Variants in OVCH2 observed in about 807,000 individuals in gnomAD.
OVCH2 encodes the protein ovochymase 2, also known as ovochymase-2.
Under a neutral mutation model 73.7 loss-of-function variants are expected in OVCH2, and 88 were observed. That is an observed-to-expected ratio of 1.19 (90% CI 1.01 to 1.43). OVCH2 has a LOEUF of 1.43. Among genes scored for constraint, OVCH2 ranks in the 40% most tolerant of loss-of-function variants. OVCH2 has a pLI of 0.00. For missense variants in OVCH2, 706 were observed against 674.5 expected, an observed-to-expected ratio of 1.05 and a Z score of -0.52; for synonymous variants, 265 against 234.5, an observed-to-expected ratio of 1.13 and a Z score of -1.19.
rs1321739575 is a variant in OVCH2, at chr11:7,696,549, C to T, written c.1057G>A (p.Val353Met). The change falls in exon 10 of 16, where the codon GTG becomes ATG. Residue 353 changes from valine (V) to methionine (M), a missense_variant. Coordinates refer to ENST00000533663, the MANE Select transcript of OVCH2 (RefSeq NM_198185.7). Reference protein sequence around the residue: ...WTLLVPEEMHVLLSFSHLDVE... With the variant: ...WTLLVPEEMHMLLSFSHLDVE... ...TCTAGGTGGGAAAAACTGAGCAACA[C>T]ATGCATTTCCTCTGGTACCAGCAGG... The T allele has an allele frequency of 3.7e-6, 6 of 1,613,904 alleles. No individual in the cohort carries two copies. In the African/African-American group the frequency reaches 6.7e-5, roughly 18 times the overall value.
downstream of OVCH2, among the ~76,000 whole-genome samples, chr11:7,687,716 T>C (rs1415352143): frequency 1.3e-5 from 2 of 152,108 alleles, no homozygotes; most frequent in Non-Finnish European, 2.9e-5. Context: ...CCCCTGTCTT[T>C]GCTTGGGCTG....
At chr11:7,692,687 G>C (rs1856244556) in intron 12 of OVCH2, among the ~76,000 whole-genome samples, 1 of 152,226 alleles carries the variant, frequency 6.6e-6, no homozygotes. Context: ...GTATGAGTTA[G>C]AGAGAGCTGA....
chr11:7,685,027 G>A (rs1199089155), downstream of OVCH2, among the ~76,000 whole-genome samples: 1 of 152,140 alleles, frequency 6.6e-6, no homozygotes, highest in East Asian at 1.9e-4. Context: ...TAAACACTGG[G>A]ACTCAAGAAA....
downstream of OVCH2, among the ~76,000 whole-genome samples, chr11:7,686,673 A>T (rs1856144863): frequency 6.6e-6 from 1 of 152,226 alleles, no homozygotes; most frequent in South Asian, 2.1e-4. Context: ...AAAATCCTGA[A>T]ACTAAGAAAG....
intron 3 of OVCH2, among the ~76,000 whole-genome samples, chr11:7,703,263 G>C (rs574083656): frequency 2.0e-5 from 3 of 150,878 alleles, no homozygotes; most frequent in African/African-American, 5.0e-5. Context: ...TTGAGTCCCA[G>C]AGAGGCAGGA....
chr11:7,706,336 C>T lies in OVCH2; in HGVS notation c.59G>A (p.Gly20Asp), dbSNP rs1273597974. The change falls in exon 1 of 16, where the codon GGT becomes GAT. Residue 20 changes from glycine to aspartate, a missense_variant. Transcript: ENST00000533663. ...LLLGIVFFER[G>D]KSATLSLPKA... ...GGGGAGCGAAAGAGTTGCAGATTTA[C>T]CTCGTTCAAAAAAGACTATTCCTAG... 1 of 1,591,808 alleles carries T rather than the reference C, an allele frequency of 6.3e-7. No homozygotes were observed. The highest frequency in any genetic ancestry group is 8.6e-7 in the Non-Finnish European group (1 of 1,167,824).
At chr11:7,695,882 C>T (rs1244762931) in intron 10 of OVCH2, among the ~76,000 whole-genome samples, 172 bp from the exon 11 acceptor site, 1 of 152,168 alleles carries the variant, frequency 6.6e-6, no homozygotes, top group Non-Finnish European at 1.5e-5. Context: ...TTCTTGCCAT[C>T]CTGCATCTTT....
rs903723635 is a variant in OVCH2, at chr11:7,691,924, A to G, written c.1485T>C (p.Asp495=). 3 of 1,572,302 alleles carry G rather than the reference A, an allele frequency of 1.9e-6. No individual in the cohort carries two copies. The highest frequency in any genetic ancestry group is 1.8e-5 in the Admixed American group (1 of 54,250). Residue 495 remains aspartate (D), a synonymous_variant, in exon 13 of 16, where the codon GAT becomes GAC. Coordinates refer to ENST00000533663, the MANE Select transcript of OVCH2 (RefSeq NM_198185.7). ...AACCTATTTCCTTCTTCCTTTCTAC[A>G]TCGCTGTGCACTGTCACATAGTCGG... ...CTSDYVTVHS[D]VERKKEIARL...
chr11:7,681,749 T>C, the OVCH2 span, among the ~76,000 whole-genome samples: 1 of 151,406 alleles, frequency 6.6e-6, no homozygotes, highest in African/African-American at 2.4e-5. Flanking sequence ...TGAGGCAGTT[T>C]CCAGTGGAGA....
chr11:7,689,549 A>G lies in OVCH2; in HGVS notation c.*85T>C. On this transcript the variant is annotated 3_prime_UTR_variant, in exon 16 of 16. Coordinates refer to ENST00000533663, the MANE Select transcript of OVCH2 (RefSeq NM_198185.7). ...AGGGCTGTGACGAGGAGTCTGCCCC[A>G]AGCCTCTCCTCTAGCTTCTGGTGGT... 2.2e-6 allele frequency: 1 copy of G among 451,270 alleles called. No homozygotes were observed. Among genetic ancestry groups the G allele is most frequent in the Non-Finnish European group, 4.5e-6 (1 of 224,544 alleles). 28.0% of individuals were successfully genotyped at this position (451,270 alleles called of 1,614,324 possible).
At chr11:7,700,659 A>T (rs145182434) in intron 6 of OVCH2, among the ~76,000 whole-genome samples, 174 bp from the exon 7 acceptor site, 288 of 152,326 alleles carry the variant, frequency 1.9e-3, no homozygotes, top group African/African-American at 6.4e-3. Context: ...ATGATCCTCA[A>T]CTATCACTGG....
chr11:7,690,441 G>A (rs763996410), intron 14 of OVCH2, among the ~76,000 whole-genome samples: 1 of 151,980 alleles, frequency 6.6e-6, no homozygotes, highest in South Asian at 2.1e-4. Flanking sequence ...GGGATGCATT[G>A]TTTTCCCTTA....
intron 2 of OVCH2, 23 bp from the exon 3 acceptor site, chr11:7,703,812 G>T: frequency 6.4e-7 from 1 of 1,572,176 alleles, no homozygotes; most frequent in Non-Finnish European, 8.7e-7. Flanking sequence ...TACCTTAAAT[G>T]AAAGCAAGTT....
chr11:7,706,139 T>C (rs1282663764), intron 1 of OVCH2, 168 bp downstream of exon 1: 1 of 638,824 alleles, frequency 1.6e-6, no homozygotes, highest in Non-Finnish European at 2.6e-6. Flanking sequence ...CTGTGTCCTA[T>C]GCCGATTGCA....
chr11:7,685,665 G>GCCCTTGCCCAGCCACAGCTCCTT (rs1856134505), downstream of OVCH2, among the ~76,000 whole-genome samples: 2 of 152,074 alleles, frequency 1.3e-5, no homozygotes, highest in Non-Finnish European at 1.5e-5. Flanking sequence ...CACAGCTCCT[G>GCCCTTGCCCAGCCACAGCTCCTT]CCCTTGCCCA....
chr11:7,698,598 G>T (rs970660725), intron 8 of OVCH2, among the ~76,000 whole-genome samples, 152 bp downstream of exon 8: 2 of 133,276 alleles, frequency 1.5e-5, no homozygotes, highest in African/African-American at 2.5e-5. Flanking sequence ...TGGGGCTTCT[G>T]CTGGGCATAA....
rs968108029 is a variant in OVCH2 at position 7,689,520 on chromosome 11, T to A, written c.*114A>T. ...CAACGTGTCAGCAGGGATGGCTCTG[T>A]CTGAGGGCTGTGACGAGGAGTCTGC... On this transcript the variant is annotated 3_prime_UTR_variant, in exon 16 of 16. Transcript: ENST00000533663. 3 of 415,996 alleles carry A rather than the reference T, an allele frequency of 7.2e-6. No individual in the cohort carries two copies. Among genetic ancestry groups the A allele is most frequent in the African/African-American group, 4.1e-5 (2 of 49,316 alleles). The allele number at this position is 415,996 out of a possible 1,614,324, so 25.8% of individuals were successfully genotyped here.
intron 9 of OVCH2, 52 bp from the exon 10 acceptor site, chr11:7,696,641 A>G (rs2136156118): frequency 6.2e-7 from 1 of 1,613,976 alleles, no homozygotes; most frequent in East Asian, 2.2e-5. Context: ...AACGACTATC[A>G]CAGTCCAATT....
At chr11:7,698,843 T>C (rs1856382936) in intron 7 of OVCH2, 70 bp from the exon 8 acceptor site, 1 of 1,498,756 alleles carries the variant, frequency 6.7e-7, no homozygotes, top group South Asian at 1.2e-5. Flanking sequence ...GAAGTTAGCA[T>C]CTTCTTGGCG....
Sources: allele counts gnomAD v4.1 joint callset (sites outside exome capture counted in the v4.1 genomes callset), GRCh38; gene constraint gnomAD v4.1.1; transcripts MANE v1.5; gene names NCBI Gene and HGNC (gene_info 2026-07-23, HGNC 2026-07-21).